PTPRR: variants seen among roughly 807,000 people sequenced by gnomAD.
PTPRR encodes the protein protein tyrosine phosphatase receptor type R, also known as receptor-type tyrosine-protein phosphatase R.
Under a neutral mutation model 77.2 loss-of-function variants are expected in PTPRR, and 38 were observed. The observed-to-expected ratio is 0.49, with a 90% confidence interval of 0.38 to 0.65. PTPRR has a LOEUF of 0.65. PTPRR is among the 30% of genes least tolerant of loss of function. The pLI is 0.00. For synonymous variants in PTPRR, 299 were observed against 283.1 expected, an observed-to-expected ratio of 1.06 and a Z score of -0.57; for missense variants, 744 against 799.2, an observed-to-expected ratio of 0.93 and a Z score of 0.83.
At chr12:70,656,642 G>T in intron 13 of PTPRR, 62 bp downstream of exon 13, 3 of 1,160,670 alleles carry the variant, frequency 2.6e-6, no homozygotes, top group Non-Finnish European at 3.9e-6. Flanking sequence ...ATGAAGTCAG[G>T]CTGATGAGAT....
chr12:70,843,969 C>T (rs1353410951), intron 2 of PTPRR, among the ~76,000 whole-genome samples: 1 of 151,842 alleles, frequency 6.6e-6, no homozygotes, highest in African/African-American at 2.4e-5. Flanking sequence ...GTGTCTGCCA[C>T]CACGCCCAGC....
chr12:70,710,716 AT>A (rs1434341532), intron 6 of PTPRR, among the ~76,000 whole-genome samples: 7 of 151,700 alleles, frequency 4.6e-5, no homozygotes, highest in African/African-American at 1.4e-4. Flanking sequence ...AAGAAAAAAA[AT>A]CTCATTAAAA....
chr12:70,754,354 G>A, intron 4 of PTPRR, 53 bp from the exon 5 acceptor site: 2 of 1,606,098 alleles, frequency 1.2e-6, no homozygotes, highest in Non-Finnish European at 1.7e-6. Flanking sequence ...GAGAAAACTG[G>A]CGTTCTTATC....
chr12:70,738,298 C>A (rs535198470), intron 6 of PTPRR, among the ~76,000 whole-genome samples: 1 of 152,216 alleles, frequency 6.6e-6, no homozygotes, highest in South Asian at 2.1e-4. Flanking sequence ...AATGTTTGTT[C>A]GTTGGATATC....
chr12:70,742,374 T>G (rs1333723350), intron 6 of PTPRR, among the ~76,000 whole-genome samples: 1 of 152,174 alleles, frequency 6.6e-6, no homozygotes, highest in Non-Finnish European at 1.5e-5. Context: ...ATGCCCACTA[T>G]ATTGGTGGTA....
At chr12:70,696,445 G>A (rs1246595417) in intron 8 of PTPRR, among the ~76,000 whole-genome samples, 2 of 152,054 alleles carry the variant, frequency 1.3e-5, no homozygotes, top group East Asian at 3.9e-4. Context: ...TTCTCAAAGT[G>A]GATCCTGGTT....
Position 70,662,498 on chromosome 12 carries a change from T to C in PTPRR, c.1605A>G (p.Leu535=). Reference sequence around the variant, plus strand: ...GGCTATAGCTACATAATCTTACCTTTAAGACAAGGTTTCGAATGGTGTAGT... The same window carrying C: ...GGCTATAGCTACATAATCTTACCTTCAAGACAAGGTTTCGAATGGTGTAGT... ...CDNYTIRNLV[L]KQGSHTQHVK... The change falls in exon 11 of 14, where the codon TTA becomes TTG. Residue 535 remains leucine (L), a synonymous_variant. Transcript: ENST00000283228. The C allele has an allele frequency of 6.3e-7, 1 of 1,580,468 alleles. No homozygotes were observed. Among genetic ancestry groups the C allele is most frequent in the Non-Finnish European group, 8.7e-7 (1 of 1,152,252 alleles).
intron 5 of PTPRR, among the ~76,000 whole-genome samples, chr12:70,751,331 C>T (rs544902145): frequency 1.2e-4 from 18 of 152,252 alleles, no homozygotes; most frequent in Admixed American, 1.2e-3. Context: ...CCACCACCCA[C>T]CCCTGTTCTA....
chr12:70,865,253 A>G (rs1892823178), intron 2 of PTPRR, among the ~76,000 whole-genome samples: 1 of 101,400 alleles, frequency 9.9e-6, no homozygotes, highest in South Asian at 2.8e-4. Context: ...TGAGTCCATT[A>G]GACCTCTTTT....
At chr12:70,799,651 T>C (rs1447564065) in intron 2 of PTPRR, among the ~76,000 whole-genome samples, 1 of 152,314 alleles carries the variant, frequency 6.6e-6, no homozygotes, top group South Asian at 2.1e-4. Context: ...CAATTCTTTC[T>C]TGGAAATAAA....
At chr12:70,833,748 A>T (rs1892255609) in intron 2 of PTPRR, among the ~76,000 whole-genome samples, 1 of 152,140 alleles carries the variant, frequency 6.6e-6, no homozygotes, top group Non-Finnish European at 1.5e-5. Flanking sequence ...AACCTGATGA[A>T]AGACTCCTGG....
intron 2 of PTPRR, among the ~76,000 whole-genome samples, chr12:70,845,926 T>C (rs562133416): frequency 6.0e-4 from 91 of 152,284 alleles, no homozygotes; most frequent in African/African-American, 2.0e-3. Context: ...ACCAATTGTT[T>C]CAGAGTGTTA....
intron 6 of PTPRR, among the ~76,000 whole-genome samples, chr12:70,704,899 G>C (rs577702894): frequency 2.4e-4 from 36 of 152,214 alleles, no homozygotes; most frequent in African/African-American, 8.2e-4. Flanking sequence ...TGGGCAAACT[G>C]TTTAGCCTTT....
At chr12:70,716,310 T>C (rs1250820880) in intron 6 of PTPRR, among the ~76,000 whole-genome samples, 1 of 150,620 alleles carries the variant, frequency 6.6e-6, no homozygotes, top group Non-Finnish European at 1.5e-5. Flanking sequence ...TAATTTTCAA[T>C]TTTTTTCTAT....
At chr12:70,686,662 A>C (rs1489019428) in intron 8 of PTPRR, among the ~76,000 whole-genome samples, 2 of 152,128 alleles carry the variant, frequency 1.3e-5, no homozygotes, top group Non-Finnish European at 2.9e-5. Flanking sequence ...TTTTGAGGGC[A>C]CTCAAGCAGC....
At chr12:70,708,906 C>T (rs921608726) in intron 6 of PTPRR, among the ~76,000 whole-genome samples, 2 of 151,644 alleles carry the variant, frequency 1.3e-5, no homozygotes, top group African/African-American at 2.4e-5. Context: ...CAATCAACTA[C>T]CAAAGAACCC....
At chr12:70,840,131 T>A (rs142054690) in intron 2 of PTPRR, among the ~76,000 whole-genome samples, 1 of 152,256 alleles carries the variant, frequency 6.6e-6, no homozygotes, top group Non-Finnish European at 1.5e-5. Context: ...TCTGACACGG[T>A]CTTACTAGGC....
At chr12:70,801,645 G>T (rs1356809153) in intron 2 of PTPRR, among the ~76,000 whole-genome samples, 1 of 152,098 alleles carries the variant, frequency 6.6e-6, no homozygotes, top group African/African-American at 2.4e-5. Context: ...TACTCAGACT[G>T]GAACTATACT....
At chr12:70,839,082 C>CT (rs1371593670) in intron 2 of PTPRR, among the ~76,000 whole-genome samples, 2 of 152,116 alleles carry the variant, frequency 1.3e-5, no homozygotes, top group Admixed American at 1.3e-4. Flanking sequence ...CACTTCTTTT[C>CT]TTTATCTATA....
Sources: allele counts gnomAD v4.1 joint callset (sites outside exome capture counted in the v4.1 genomes callset), GRCh38; gene constraint gnomAD v4.1.1; transcripts MANE v1.5; gene names NCBI Gene and HGNC (gene_info 2026-07-23, HGNC 2026-07-21).